The following ALG8 variants were observed in gnomAD, a reference collection of about 807,000 sequenced individuals.
ALG8 encodes the protein ALG8 alpha-1,3-glucosyltransferase, also known as dolichyl pyrophosphate Glc1Man9GlcNAc2 alpha-1,3-glucosyltransferase.
Under a neutral mutation model 70.2 loss-of-function variants are expected in ALG8, and 48 were observed. The ratio of observed to expected loss-of-function variants is 0.68; its 90% CI spans 0.54 to 0.87. The LOEUF (loss-of-function observed/expected upper bound fraction) is 0.87, where lower values mean the gene tolerates loss of function less well. Among genes scored for constraint, ALG8 ranks in the 40% least tolerant of loss-of-function variants. The probability of loss-of-function intolerance (pLI) is 0.00; values close to 1 mark genes in which losing one functional copy is unlikely to be tolerated. For synonymous variants in ALG8, 234 were observed against 229.0 expected, an observed-to-expected ratio of 1.02 and a Z score of -0.20; for missense variants, 572 against 608.7, an observed-to-expected ratio of 0.94 and a Z score of 0.64.
At chr11:78,104,877 T>C (rs551718495) in intron 10 of ALG8, among the ~76,000 whole-genome samples, 3 of 151,984 alleles carry the variant, frequency 2.0e-5, no homozygotes, top group East Asian at 3.9e-4. Context: ...GGCAGGAGAA[T>C]TGCTTGAACC....
At position 78,139,553 on chromosome 11, in the gene ALG8, A is replaced by C; in HGVS notation, c.36T>G (p.Asn12Lys). Residue 12 changes from asparagine (N) to lysine (K), a missense_variant, in exon 1 of 13, where the codon AAT becomes AAG. Physicochemically the swap from Asn to Lys is moderately conservative, Grantham distance 94. Transcript: ENST00000299626. ...AALTIATGTG[N>K]WFSALALGVT... ...CCCCGAGCGCCAAAGCCGAAAACCA[A>C]TTGCCAGTACCCGTGGCAATTGTGA... 6.4e-7 allele frequency: 1 copy of C among 1,562,110 alleles called. No individual in the cohort carries two copies. Among genetic ancestry groups the C allele is most frequent in the African/African-American group, 1.4e-5 (1 of 73,670 alleles).
chr11:78,130,348 CAA>C (rs1174378754), intron 1 of ALG8, among the ~76,000 whole-genome samples: 5 of 49,180 alleles, frequency 1.0e-4, no homozygotes, highest in Non-Finnish European at 1.3e-4. Flanking sequence ...GACCCGGTCT[CAA>C]AAAAAAAAAA....
chr11:78,128,561 T>C (rs1590836981), intron 1 of ALG8, among the ~76,000 whole-genome samples: 1 of 152,128 alleles, frequency 6.6e-6, no homozygotes, highest in Non-Finnish European at 1.5e-5. Context: ...GACAATCTTA[T>C]GCAAACTTTC....
At chr11:78,123,386 G>C (rs569634020) in intron 3 of ALG8, among the ~76,000 whole-genome samples, 2 of 147,066 alleles carry the variant, frequency 1.4e-5, no homozygotes, top group Admixed American at 6.8e-5. Context: ...CTGAAACTTA[G>C]TACTTGGAAG....
chr11:78,128,302 C>T (rs1053477952), intron 1 of ALG8, among the ~76,000 whole-genome samples: 5 of 152,286 alleles, frequency 3.3e-5, no homozygotes, highest in East Asian at 1.9e-4. Context: ...CAGTACCTGA[C>T]GCATGGACAA....
intron 2 of ALG8, among the ~76,000 whole-genome samples, chr11:78,124,538 G>A (rs1178705831): frequency 6.6e-6 from 1 of 152,124 alleles, no homozygotes; most frequent in Non-Finnish European, 1.5e-5. Context: ...AGACTGAACA[G>A]AACACTAAAA....
intron 4 of ALG8, among the ~76,000 whole-genome samples, chr11:78,120,204 TAAG>T (rs1396710948): frequency 1.3e-5 from 2 of 152,164 alleles, no homozygotes; most frequent in Non-Finnish European, 2.9e-5. Flanking sequence ...AATTTATGTT[TAAG>T]AAGAAAAACA....
Position 78,127,393 on chromosome 11 carries a change from T to G in ALG8, c.139A>C (p.Thr47Pro), listed in dbSNP as rs121908293. 34 of 1,613,502 alleles carry G rather than the reference T, an allele frequency of 2.1e-5. No individual in the cohort carries two copies. The highest frequency in any genetic ancestry group is 2.8e-5 in the Non-Finnish European group (33 of 1,179,932). The change falls in exon 2 of 13, where the codon ACT becomes CCT. Residue 47 changes from threonine (T) to proline (P), a missense_variant. Transcript: ENST00000299626. ...CACTGTGATATTGGCAAACTGTGAG[T>G]GATAGCAAGCCAGTTTCGGTGTACT... Reference protein sequence around the residue: ...FEVHRNWLAITHSLPISQWYY... With the variant: ...FEVHRNWLAIPHSLPISQWYY...
intron 1 of ALG8, among the ~76,000 whole-genome samples, chr11:78,136,625 G>A (rs1052813308): frequency 6.6e-6 from 1 of 152,204 alleles, no homozygotes; most frequent in Non-Finnish European, 1.5e-5. Flanking sequence ...GTCATCCAGG[G>A]CTTTGTTGTT....
At chr11:78,124,333 T>C in intron 2 of ALG8, 119 bp from the exon 3 acceptor site, 1 of 1,025,116 alleles carries the variant, frequency 9.8e-7, no homozygotes, top group Non-Finnish European at 1.5e-6. Flanking sequence ...CTGGGCGTGG[T>C]AGCTCACACC....
intron 12 of ALG8, among the ~76,000 whole-genome samples, chr11:78,103,636 C>T (rs1052225494): frequency 3.3e-5 from 5 of 152,078 alleles, no homozygotes; most frequent in East Asian, 1.9e-4. Flanking sequence ...CTCAAAAAAA[C>T]GAACAAAAAA....
chr11:78,106,040 G>C (rs760193116), intron 10 of ALG8, among the ~76,000 whole-genome samples: 34 of 152,174 alleles, frequency 2.2e-4, no homozygotes, highest in Non-Finnish European at 1.8e-4. Context: ...AGGCGCAAAA[G>C]AAAGAATGCA....
chr11:78,138,714 T>C (rs1285973350), intron 1 of ALG8: 3 of 456,220 alleles, frequency 6.6e-6, no homozygotes, highest in Non-Finnish European at 1.3e-5. Flanking sequence ...ACCTACTGTA[T>C]ACACACCACC....
intron 1 of ALG8, among the ~76,000 whole-genome samples, chr11:78,131,812 G>A (rs1861320202): frequency 6.6e-6 from 1 of 152,082 alleles, no homozygotes; most frequent in Non-Finnish European, 1.5e-5. Context: ...TCTCTTACTT[G>A]TCCTATGATA....
intron 8 of ALG8, 63 bp from the exon 9 acceptor site, chr11:78,109,644 ACAAT>A: frequency 2.8e-6 from 4 of 1,450,432 alleles, no homozygotes; most frequent in Admixed American, 3.4e-5. Flanking sequence ...CCATATATTA[ACAAT>A]CAATTCCTTG....
chr11:78,127,129 C>G (rs561843776), intron 2 of ALG8, among the ~76,000 whole-genome samples: 11 of 152,080 alleles, frequency 7.2e-5, no homozygotes, highest in Admixed American at 2.0e-4. Flanking sequence ...CAGGTGCCCA[C>G]CACCACACCC....
chr11:78,113,361 A>G (rs998642291), intron 7 of ALG8, among the ~76,000 whole-genome samples: 2 of 148,930 alleles, frequency 1.3e-5, no homozygotes, highest in Non-Finnish European at 3.0e-5. Flanking sequence ...GTACAGTTAA[A>G]CATATACATG....
In ALG8 at chr11:78,127,813, G is replaced by A. The variant is rs1861146076; in HGVS notation, c.96-377C>T. Among the ~76,000 whole-genome samples the A allele has an allele frequency of 4.6e-5, 7 of 150,756 alleles. No homozygotes were observed. In the Admixed American group the frequency reaches 4.6e-4, roughly 10 times the overall value. On this transcript the variant is annotated intron_variant, in intron 1 of 12. Coordinates refer to ENST00000299626, the MANE Select transcript of ALG8 (RefSeq NM_024079.5). ...CAACTGCCGCCCCCCGGGTTCACGC[G>A]AGTCTCCTGTCTCAGCCTCCCGAGC... is the stretch of plus-strand genomic sequence containing the variant.
intron 1 of ALG8, among the ~76,000 whole-genome samples, chr11:78,132,922 C>T (rs1311267465): frequency 7.3e-5 from 11 of 151,114 alleles, no homozygotes; most frequent in African/African-American, 2.4e-4. Context: ...CTGCAAGCTC[C>T]GCCTTCCGGG....
Sources: gnomAD v4.1 joint callset for allele counts (sites outside exome capture counted in the v4.1 genomes callset) on GRCh38, gnomAD v4.1.1 for gene constraint, MANE v1.5 for transcripts, NCBI Gene and HGNC (gene_info 2026-07-23, HGNC 2026-07-21) for gene names.